Variants in CACNG8 observed in about 807,000 individuals in gnomAD.
CACNG8 encodes calcium voltage-gated channel auxiliary subunit gamma 8.
In CACNG8, 5 loss-of-function variants were observed where a neutral mutation model predicts 26.9. That is an observed-to-expected ratio of 0.19 (90% CI 0.10 to 0.39). The LOEUF (loss-of-function observed/expected upper bound fraction) is 0.39. Among genes scored for constraint, CACNG8 ranks in the 10% least tolerant of loss-of-function variants. CACNG8 has a pLI of 1.00. For synonymous variants in CACNG8, 321 were observed against 296.7 expected, an observed-to-expected ratio of 1.08 and a Z score of -0.84; for missense variants, 473 against 609.4, an observed-to-expected ratio of 0.78 and a Z score of 2.36.
In CACNG8 at chr19:53,985,539, C is replaced by T. The variant is rs947457330; in HGVS notation, c.*2690C>T. The stretch of plus-strand genomic sequence containing the variant: ...GGATACGTGGAGAGAAGAGGGATGC[C>T]GGAGCGGGTGTTAAAAGAGACAAAT... On this transcript the variant is annotated 3_prime_UTR_variant, in exon 4 of 4. Coordinates refer to ENST00000270458, the MANE Select transcript of CACNG8 (RefSeq NM_031895.6). The T allele has an allele frequency of 2.6e-5, 4 of 152,112 alleles. No individual in the cohort carries two copies. The highest frequency in any genetic ancestry group is 1.3e-4 in the Admixed American group (2 of 15,250). The allele number at this position is 152,112 out of a possible 1,614,324, so 9.4% of individuals were successfully genotyped here.
intron 1 of CACNG8, among the ~76,000 whole-genome samples, chr19:53,964,748 G>A (rs560551454): frequency 6.6e-6 from 1 of 152,070 alleles, no homozygotes; most frequent in East Asian, 1.9e-4. Context: ...TCTTTCCTGA[G>A]TATCAAGTAG....
At position 53,982,603 on chromosome 19, in the gene CACNG8, GGGCGGCGGCGGA is replaced by G. The variant is rs897367616; in HGVS notation, c.1044_1055del (p.Gly349_Gly352del). On this transcript the variant is annotated inframe_deletion, in exon 4 of 4. Coordinates refer to ENST00000270458, the MANE Select transcript of CACNG8 (RefSeq NM_031895.6). This position sits in a 1 kb window ranked among gnomAD's most constrained non-coding sequence, Gnocchi z 8.4. ...TCGGCGGCGCGGCCGGGGGCGCCGG[GGGCGGCGGCGGA>G]GGCGGCGGCGGGGCGGGTGCCGAGC... is the stretch of plus-strand genomic sequence containing the variant. 18 of 969,206 alleles carry G rather than the reference GGGCGGCGGCGGA, an allele frequency of 1.9e-5. No individual in the cohort carries two copies. Among genetic ancestry groups the G allele is most frequent in the South Asian group, 9.1e-5 (2 of 21,894 alleles). 60.0% of individuals were successfully genotyped at this position (969,206 alleles called of 1,614,324 possible). A position where few individuals can be genotyped will look rare whatever the true frequency, so the allele number is the denominator to read the frequency against.
Position 53,989,590 on chromosome 19 carries a change from G to A in CACNG8, c.*6741G>A, listed in dbSNP as rs113473219. ...TCTGTCCCATCTCTGCCTTCAGAGG[G>A]GGGGACAGGTAGTCCAGACAATTAG... On this transcript the variant is annotated 3_prime_UTR_variant, in exon 4 of 4. Coordinates refer to ENST00000270458, the MANE Select transcript of CACNG8 (RefSeq NM_031895.6). The A allele has an allele frequency of 3.3e-5, 5 of 152,398 alleles. No homozygotes were observed. The highest frequency in any genetic ancestry group is 1.3e-4 in the Admixed American group (2 of 15,300). 9.4% of individuals were successfully genotyped at this position (152,398 alleles called of 1,614,324 possible). A position where few individuals can be genotyped will look rare whatever the true frequency, so the allele number is the denominator to read the frequency against.
intron 1 of CACNG8, among the ~76,000 whole-genome samples, chr19:53,965,810 C>T (rs1357525036): frequency 6.6e-6 from 1 of 151,804 alleles, no homozygotes; most frequent in East Asian, 1.9e-4. Flanking sequence ...CAGGGATCCC[C>T]GTGGGAAGTA....
Position 53,988,997 on chromosome 19 carries a change from G to A in CACNG8, c.*6148G>A, listed in dbSNP as rs549804206. On this transcript the variant is annotated 3_prime_UTR_variant, in exon 4 of 4. Transcript: ENST00000270458. The stretch of plus-strand genomic sequence containing the variant: ...TGGAAATACTTTCTGGCCAGGCTTG[G>A]GGGCTCATGCCTGTAATCCCAGCAC... 6.6e-6 allele frequency: 1 copy of A among 152,296 alleles called. No homozygotes were observed. The highest frequency in any genetic ancestry group is 1.5e-5 in the Non-Finnish European group (1 of 68,062). The allele number at this position is 152,296 out of a possible 1,614,324, so 9.4% of individuals were successfully genotyped here.
rs2069265741 is a variant in CACNG8 at position 53,965,180 on chromosome 19, G to A, written c.283+1755G>A. On this transcript the variant is annotated intron_variant, in intron 1 of 3. Transcript: ENST00000270458. ...GATTCACAGATGCGCTCTGTCTAGT[G>A]TACAAAGTGTTTAAAACTGAAAGCA... Among the ~76,000 whole-genome samples, 4 of 152,178 alleles carry A rather than the reference G, an allele frequency of 2.6e-5. No homozygotes were observed. The South Asian group carries it at 8.3e-4, about 32-fold the overall frequency.
chr19:53,980,141 C>T, intron 3 of CACNG8, 134 bp downstream of exon 3: 1 of 964,894 alleles, frequency 1.0e-6, no homozygotes, highest in South Asian at 2.1e-5. Flanking sequence ...GCCACCTTGC[C>T]CCGAGCACCC....
intron 1 of CACNG8, among the ~76,000 whole-genome samples, chr19:53,969,505 C>T (rs1336851843): frequency 6.6e-6 from 1 of 151,684 alleles, no homozygotes; most frequent in Non-Finnish European, 1.5e-5. Context: ...GCAATCCTCT[C>T]ACCCCCGGCC....
chr19:53,968,785 A>G (rs1245085167), intron 1 of CACNG8, among the ~76,000 whole-genome samples: 1 of 150,774 alleles, frequency 6.6e-6, no homozygotes, highest in Non-Finnish European at 1.5e-5. Flanking sequence ...AAAAAAAAAA[A>G]AAAAAAGGGA....
Position 53,962,990 on chromosome 19 carries a change from C to G in CACNG8, c.-153C>G, listed in dbSNP as rs1915687531. ...GCCGCGCTCTGACCCCCTCCCCGGC[C>G]GCAGCCTCCTCCTCGCCGCCCCCCT... On this transcript the variant is annotated 5_prime_UTR_variant, in exon 1 of 4. Coordinates refer to ENST00000270458, the MANE Select transcript of CACNG8 (RefSeq NM_031895.6). 8.2e-6 allele frequency: 3 copies of G among 364,720 alleles called. No individual in the cohort carries two copies. Among genetic ancestry groups the G allele is most frequent in the Non-Finnish European group, 1.4e-5 (3 of 207,634 alleles). The allele number at this position is 364,720 out of a possible 1,614,324, so 22.6% of individuals were successfully genotyped here. A position where few individuals can be genotyped will look rare whatever the true frequency, so the allele number is the denominator to read the frequency against.
chr19:53,970,112 C>T (rs923901000), intron 1 of CACNG8, among the ~76,000 whole-genome samples: 1 of 151,938 alleles, frequency 6.6e-6, no homozygotes, highest in Non-Finnish European at 1.5e-5. Flanking sequence ...GTCAGGAGAT[C>T]GAGACCATCC....
At chr19:53,976,885 C>T (rs1391416488) in intron 1 of CACNG8, among the ~76,000 whole-genome samples, 1 of 152,160 alleles carries the variant, frequency 6.6e-6, no homozygotes, top group East Asian at 1.9e-4. Flanking sequence ...GTTGGTCAGG[C>T]TGGTCTTGAA....
intron 1 of CACNG8, among the ~76,000 whole-genome samples, chr19:53,963,960 C>G (rs1170400480): frequency 6.6e-6 from 1 of 151,998 alleles, no homozygotes; most frequent in Non-Finnish European, 1.5e-5. Flanking sequence ...AGCCACTGTG[C>G]CCAGCTAATT....
chr19:53,980,056 A>ATG, intron 3 of CACNG8, 49 bp downstream of exon 3: 1 of 1,479,620 alleles, frequency 6.8e-7, no homozygotes, highest in African/African-American at 1.6e-5. Context: ...CTGGGCGCGC[A>ATG]CGTGTGTGTG....
Position 53,982,907 on chromosome 19 carries a change from T to A in CACNG8, c.*58T>A, listed in dbSNP as rs1450633777. ...GGGCGCGTGCGCGGGCGCGCGTGCA[T>A]CGAGGCTGCCGGGGTCGGGGGCGCC... On this transcript the variant is annotated 3_prime_UTR_variant, in exon 4 of 4. Transcript: ENST00000270458. The surrounding 1 kb of genome is among the most constrained non-coding windows in gnomAD (Gnocchi z 8.4). 39 of 1,148,162 alleles carry A rather than the reference T, an allele frequency of 3.4e-5. No homozygotes were observed. Among genetic ancestry groups the A allele is most frequent in the Non-Finnish European group, 4.1e-5 (38 of 924,712 alleles). The allele number at this position is 1,148,162 out of a possible 1,614,324, so 71.1% of individuals were successfully genotyped here.
chr19:53,972,333 T>C (rs2069307223), intron 1 of CACNG8, among the ~76,000 whole-genome samples: 1 of 148,970 alleles, frequency 6.7e-6, no homozygotes, highest in Non-Finnish European at 1.5e-5. Flanking sequence ...TCTTTCTTTT[T>C]TTTTTCTTTC....
rs1243402408 is a variant in CACNG8 at position 53,988,273 on chromosome 19, TGTGTG to T, written c.*5425_*5429del. 5.9e-3 allele frequency: 316 copies of T among 53,240 alleles called. 1 individual carries two copies. Among genetic ancestry groups the T allele is most frequent in the African/African-American group, 0.017 (303 of 17,694 alleles). The allele number at this position is 53,240 out of a possible 1,614,324, so 3.3% of individuals were successfully genotyped here. A position where few individuals can be genotyped will look rare whatever the true frequency, so the allele number is the denominator to read the frequency against. On this transcript the variant is annotated 3_prime_UTR_variant, in exon 4 of 4. Transcript: ENST00000270458. ...CAGAAGGAAAGGGAATTCAGGCAAG[TGTGTG>T]TGTGTGTGTGTGTGTGTGTGTGTGT...
intron 3 of CACNG8, 90 bp downstream of exon 3, chr19:53,980,097 CGTGA>C (rs2069356561): frequency 7.5e-7 from 1 of 1,324,680 alleles, no homozygotes; most frequent in Non-Finnish European, 1.0e-6. Flanking sequence ...CGCGCGCGCG[CGTGA>C]GTGCAAGTGC....
chr19:53,979,594 G>A (rs978383503), intron 2 of CACNG8, among the ~76,000 whole-genome samples: 2 of 151,770 alleles, frequency 1.3e-5, no homozygotes, highest in Non-Finnish European at 2.9e-5. Flanking sequence ...AATAAAGAGG[G>A]GGAAAGATAT....
Sources: allele counts gnomAD v4.1 joint callset (sites outside exome capture counted in the v4.1 genomes callset), GRCh38; gene constraint gnomAD v4.1.1; non-coding constraint Gnocchi (gnomAD v3.1); transcripts MANE v1.5; gene names NCBI Gene and HGNC (gene_info 2026-07-23, HGNC 2026-07-21).